BNC2: variants seen among roughly 807,000 people sequenced by gnomAD.
BNC2 encodes basonuclin zinc finger protein 2.
BNC2 carries 20 observed loss-of-function variants against 76.3 expected under a neutral mutation model. That is an observed-to-expected ratio of 0.26 (90% CI 0.18 to 0.38). The LOEUF is 0.38. BNC2 is among the 10% of genes least tolerant of loss of function. The probability of loss-of-function intolerance (pLI) is 1.00; values close to 1 mark genes in which losing one functional copy is unlikely to be tolerated. For synonymous variants in BNC2, 582 were observed against 514.8 expected, an observed-to-expected ratio of 1.13 and a Z score of -1.77; for missense variants, 1,382 against 1,399.8, an observed-to-expected ratio of 0.99 and a Z score of 0.20.
At chr9:16,793,375 C>T (rs1817563465) in intron 1 of BNC2, among the ~76,000 whole-genome samples, 1 of 152,194 alleles carries the variant, frequency 6.6e-6, no homozygotes, top group Non-Finnish European at 1.5e-5. Context: ...TACCCCATCA[C>T]ACCTTTCATC....
intron 5 of BNC2, among the ~76,000 whole-genome samples, chr9:16,481,273 T>A (rs1822049783): frequency 2.0e-5 from 3 of 151,890 alleles, no homozygotes; most frequent in African/African-American, 7.3e-5. Context: ...TGGGGCCACA[T>A]AAGAGAATAA....
chr9:16,620,628 G>C (rs1309652103), intron 3 of BNC2, among the ~76,000 whole-genome samples: 1 of 152,118 alleles, frequency 6.6e-6, no homozygotes, highest in Non-Finnish European at 1.5e-5. Context: ...TTCTTATGTA[G>C]AGCCACCATA....
intron 5 of BNC2, among the ~76,000 whole-genome samples, chr9:16,494,160 T>G (rs1449576717): frequency 6.6e-6 from 1 of 152,160 alleles, no homozygotes; most frequent in Non-Finnish European, 1.5e-5. Context: ...AATTTTCTTT[T>G]TCTTTTTTTT....
intron 3 of BNC2, among the ~76,000 whole-genome samples, chr9:16,648,410 T>C (rs1187623280): frequency 1.3e-5 from 2 of 152,202 alleles, no homozygotes; most frequent in Non-Finnish European, 2.9e-5. Flanking sequence ...ATAGCAGTGA[T>C]TGAGAACACA....
At chr9:16,743,425 T>C (rs1352378662) in intron 1 of BNC2, among the ~76,000 whole-genome samples, 2 of 152,218 alleles carry the variant, frequency 1.3e-5, no homozygotes, top group African/African-American at 4.8e-5. Context: ...GGACCTTCCA[T>C]TCTAGAATGT....
intron 1 of BNC2, among the ~76,000 whole-genome samples, chr9:16,822,335 T>C (rs1340864974): frequency 6.6e-6 from 1 of 152,184 alleles, no homozygotes; most frequent in African/African-American, 2.4e-5. Flanking sequence ...AAAATAGGCC[T>C]TTCTTTTTAA....
Position 16,727,880 on chromosome 9 carries a change from T to A in BNC2, c.247A>T (p.Thr83Ser). 1 of 1,614,208 alleles carries A rather than the reference T, an allele frequency of 6.2e-7. No individual in the cohort carries two copies. The highest frequency in any genetic ancestry group is 8.5e-7 in the Non-Finnish European group (1 of 1,180,040). Reference sequence around the variant, plus strand: ...CCTGGTTCAGCCGTAGTCGTTCTGGTTCCGAACTGCATGGAGTTGTCAGTA... The same window carrying A: ...CCTGGTTCAGCCGTAGTCGTTCTGGATCCGAACTGCATGGAGTTGTCAGTA... The part of the protein sequence containing the change: ...SCTDNSMQFG[T>S]RTTTAEPGFM... Residue 83 changes from threonine (T) to serine (S), a missense_variant, in exon 3 of 7, where the codon ACC (threonine) becomes TCC (serine). This residue lies in a region of BNC2 where 557 missense variants were observed against 540.9 expected (regional missense o/e 1.03). Transcript: ENST00000380672.
intron 3 of BNC2, among the ~76,000 whole-genome samples, chr9:16,594,425 G>A (rs889630120): frequency 1.3e-5 from 2 of 152,118 alleles, no homozygotes; most frequent in Non-Finnish European, 2.9e-5. Context: ...TATAAAAGGA[G>A]CTGCCCACCT....
intron 3 of BNC2, among the ~76,000 whole-genome samples, chr9:16,677,578 A>AAACACACACACACACACACAC (rs1822687344): frequency 5.0e-5 from 7 of 139,256 alleles, no homozygotes; most frequent in African/African-American, 2.0e-4. Flanking sequence ...GTCTCAAACA[A>AAACACACACACACACACACAC]ACACACACAC....
chr9:16,767,766 C>T (rs1213397862), intron 1 of BNC2, among the ~76,000 whole-genome samples: 1 of 152,142 alleles, frequency 6.6e-6, no homozygotes, highest in Non-Finnish European at 1.5e-5. Context: ...TACCTAACTT[C>T]AACAATTATC....
chr9:16,746,333 C>T (rs1472139098), intron 1 of BNC2, among the ~76,000 whole-genome samples: 1 of 151,962 alleles, frequency 6.6e-6, no homozygotes, highest in East Asian at 2.0e-4. Flanking sequence ...CACATTTAAC[C>T]CTATGAATCT....
At chr9:16,541,443 C>T (rs1414325530) in intron 5 of BNC2, among the ~76,000 whole-genome samples, 2 of 152,180 alleles carry the variant, frequency 1.3e-5, no homozygotes, top group African/African-American at 4.8e-5. Context: ...CAGACATTCC[C>T]TCACATGTCA....
intron 5 of BNC2, among the ~76,000 whole-genome samples, chr9:16,453,023 G>A (rs1033643645): frequency 3.3e-5 from 5 of 152,116 alleles, no homozygotes; most frequent in Admixed American, 6.5e-5. Flanking sequence ...GCTACTGGAC[G>A]GATTTAAACA....
At chr9:16,693,472 C>G (rs1823243962) in intron 3 of BNC2, among the ~76,000 whole-genome samples, 1 of 152,132 alleles carries the variant, frequency 6.6e-6, no homozygotes, top group Non-Finnish European at 1.5e-5. Context: ...CATGCCCCAC[C>G]TGAGACCCAC....
intron 2 of BNC2, among the ~76,000 whole-genome samples, chr9:16,733,326 C>T (rs1189074209): frequency 1.3e-5 from 2 of 152,134 alleles, no homozygotes; most frequent in Admixed American, 1.3e-4. Flanking sequence ...CTTGTGAAAC[C>T]TGCCATCCTT....
chr9:16,488,516 T>C (rs954056898), intron 5 of BNC2, among the ~76,000 whole-genome samples: 1 of 152,198 alleles, frequency 6.6e-6, no homozygotes, highest in Non-Finnish European at 1.5e-5. Flanking sequence ...AATGTTTTAG[T>C]GGGAAACAAA....
intron 5 of BNC2, among the ~76,000 whole-genome samples, chr9:16,438,660 C>T (rs982651371): frequency 2.0e-5 from 3 of 152,100 alleles, no homozygotes; most frequent in African/African-American, 7.2e-5. Context: ...GTGACACTTG[C>T]CCTAACCCTG....
intron 4 of BNC2, among the ~76,000 whole-genome samples, chr9:16,575,904 T>C (rs1228281464): frequency 6.6e-6 from 1 of 152,206 alleles, no homozygotes; most frequent in Non-Finnish European, 1.5e-5. Context: ...GCATTTACAA[T>C]CTGGAAAAAC....
Position 16,765,934 on chromosome 9 carries a change from T to A in BNC2, c.4-27449A>T, listed in dbSNP as rs368301485. On this transcript the variant is annotated intron_variant, in intron 1 of 6. Coordinates refer to ENST00000380672, the MANE Select transcript of BNC2 (RefSeq NM_017637.6). ...CCGGAGTAGCTGGGACTACAGGCGC[T>A]CGCCACCACGCCTGGCTAATTTTTT... Among the ~76,000 whole-genome samples the A allele has an allele frequency of 1.2e-4, 19 of 152,036 alleles. No homozygotes were observed. In the South Asian group the frequency reaches 1.5e-3, roughly 12 times the overall value.
Sources: allele counts gnomAD v4.1 joint callset (sites outside exome capture counted in the v4.1 genomes callset), GRCh38; gene constraint gnomAD v4.1.1; regional missense constraint gnomAD v4.1.1; transcripts MANE v1.5; gene names NCBI Gene and HGNC (gene_info 2026-07-23, HGNC 2026-07-21).